Variants in PRR5L observed in about 807,000 individuals in gnomAD.
PRR5L encodes the protein proline-rich protein 5-like.
In PRR5L, 21 loss-of-function variants were observed where a neutral mutation model predicts 36.4. The ratio of observed to expected loss-of-function variants is 0.58; its 90% CI spans 0.41 to 0.83. The LOEUF is 0.83. Ranked by LOEUF, PRR5L falls within the 40% of genes least tolerant of loss-of-function variation. The pLI is 0.00. For missense variants in PRR5L, 381 were observed against 473.3 expected, an observed-to-expected ratio of 0.80 and a Z score of 1.81; for synonymous variants, 188 against 197.0, an observed-to-expected ratio of 0.95 and a Z score of 0.38.
intron 1 of PRR5L, chr11:36,362,152 G>A (rs1330206032): frequency 6.6e-6 from 1 of 151,154 alleles, no homozygotes; most frequent in Admixed American, 6.6e-5. Flanking sequence ...CACCGGCTCC[G>A]TCCTGAAAAC....
Position 36,427,202 on chromosome 11 carries a change from C to T in PRR5L, c.295-4651C>T, listed in dbSNP as rs182006945. 1.9e-3 allele frequency among the ~76,000 whole-genome samples: 294 copies of T among 152,254 alleles called. 2 individuals carry two copies. Among genetic ancestry groups the T allele is most frequent in the Admixed American group, 3.1e-3 (48 of 15,284 alleles). On this transcript the variant is annotated intron_variant, in intron 4 of 8. Coordinates refer to ENST00000530639, the MANE Select transcript of PRR5L (RefSeq NM_001160167.2). ...TTCTATGTCTTAGGAAAATTAGATACGTCAGCTGTTTTTCTTTTTCACTTC... is the reference window on the plus strand; with the variant it reads ...TTCTATGTCTTAGGAAAATTAGATATGTCAGCTGTTTTTCTTTTTCACTTC...
At chr11:36,388,469 C>G (rs543467371) in intron 1 of PRR5L, among the ~76,000 whole-genome samples, 2 of 152,160 alleles carry the variant, frequency 1.3e-5, no homozygotes, top group East Asian at 3.9e-4. Context: ...TCAAAAAGTC[C>G]AAAAGGGCTT....
At position 36,319,669 on chromosome 11, in the gene PRR5L, G is replaced by A. The variant is rs546561680; in HGVS notation, c.-126+23231G>A. On this transcript the variant is annotated intron_variant, in intron 1 of 8. Transcript: ENST00000530639. ...ACTTTGTAGATCCCTCATCTAAGAC[G>A]ACACTAAATTTCCTTTTTTTTTTTT... Among the ~76,000 whole-genome samples the A allele has an allele frequency of 3.7e-5, 5 of 133,608 alleles. No homozygotes were observed. In the South Asian group the frequency reaches 1.0e-3, roughly 28 times the overall value. 87.7% of individuals were successfully genotyped at this position (133,608 alleles called of 152,430 possible).
chr11:36,407,309 C>A (rs1011198482), intron 3 of PRR5L, among the ~76,000 whole-genome samples: 1 of 152,114 alleles, frequency 6.6e-6, no homozygotes, highest in African/African-American at 2.4e-5. Context: ...TAATGAAACC[C>A]CAGTTTCTAC....
At chr11:36,414,542 C>T (rs1436446805) in intron 3 of PRR5L, among the ~76,000 whole-genome samples, 1 of 144,774 alleles carries the variant, frequency 6.9e-6, no homozygotes, top group Non-Finnish European at 1.5e-5. Flanking sequence ...GTCCTTCGCC[C>T]ACTTTTTGAT....
intron 1 of PRR5L, among the ~76,000 whole-genome samples, chr11:36,334,221 C>CGGGGAAATTTCATGACTGT (rs1856747517): frequency 6.6e-6 from 1 of 152,092 alleles, no homozygotes; most frequent in South Asian, 2.1e-4. Flanking sequence ...TCTTGGGTCC[C>CGGGGAAATTTCATGACTGT]GGGGAAATTT....
chr11:36,303,777 T>A (rs1347602754), intron 1 of PRR5L, among the ~76,000 whole-genome samples: 1 of 152,156 alleles, frequency 6.6e-6, no homozygotes, highest in African/African-American at 2.4e-5. Context: ...TAAACAAATA[T>A]TGAAAAAACA....
At position 36,355,548 on chromosome 11, in the gene PRR5L, C is replaced by CTT. The variant is rs1041820581; in HGVS notation, c.-125-45431_-125-45430dup. Among the ~76,000 whole-genome samples, 49 of 127,052 alleles carry CTT rather than the reference C, an allele frequency of 3.9e-4. 1 individual carries two copies. Among genetic ancestry groups the CTT allele is most frequent in the African/African-American group, 8.9e-4 (30 of 33,536 alleles). 83.4% of individuals were successfully genotyped at this position (127,052 alleles called of 152,430 possible). ...AGAGCCCATGCTCTGCTTTGCTTTG[C>CTT]TTTTTTTTTTTTTTTTTTTGAGACA... On this transcript the variant is annotated intron_variant, in intron 1 of 8. Transcript: ENST00000530639.
At chr11:36,351,501 TTTTATATATTTA>T (rs1565408227) in intron 1 of PRR5L, among the ~76,000 whole-genome samples, 257 of 9,324 alleles carry the variant, frequency 0.028, 70 homozygotes, top group African/African-American at 0.096. Flanking sequence ...TTATATATAT[TTTTATATATTTA>T]TATATATTTA....
chr11:36,437,579 A>G (rs1369067132), intron 6 of PRR5L, 103 bp downstream of exon 6: 1 of 700,242 alleles, frequency 1.4e-6, no homozygotes, highest in Non-Finnish European at 2.5e-6. Context: ...AAACTTGGAG[A>G]TTGGGCGCTT....
At chr11:36,322,450 G>A (rs1394224191) in intron 1 of PRR5L, among the ~76,000 whole-genome samples, 1 of 152,136 alleles carries the variant, frequency 6.6e-6, no homozygotes. Flanking sequence ...GTGAACTGTT[G>A]TAGATATTGT....
At chr11:36,415,040 C>A (rs1282370003) in intron 3 of PRR5L, among the ~76,000 whole-genome samples, 1 of 146,006 alleles carries the variant, frequency 6.8e-6, no homozygotes, top group Non-Finnish European at 1.5e-5. Context: ...AGCGTTATTT[C>A]TGTGGGCTCT....
chr11:36,401,581 C>T (rs955266109), intron 2 of PRR5L, among the ~76,000 whole-genome samples: 1 of 152,038 alleles, frequency 6.6e-6, no homozygotes, highest in African/African-American at 2.4e-5. Context: ...CATGCCACCA[C>T]ACCCAGCTAA....
Position 36,462,624 on chromosome 11 carries a change from C to T in PRR5L, c.995C>T (p.Pro332Leu), listed in dbSNP as rs1296441611. 6.2e-7 allele frequency: 1 copy of T among 1,612,456 alleles called. No homozygotes were observed. Residue 332 changes from proline (P) to leucine (L), a missense_variant, in exon 9 of 9, where the codon CCC becomes CTC. Coordinates refer to ENST00000530639, the MANE Select transcript of PRR5L (RefSeq NM_001160167.2). ...CTCCTGCCACCCAGCTTCCCCCCGCCCCACCGGCAGTGCTCCAGTGAGCCC... is the reference window on the plus strand; with the variant it reads ...CTCCTGCCACCCAGCTTCCCCCCGCTCCACCGGCAGTGCTCCAGTGAGCCC... Reference protein sequence around the residue: ...CLLLPPSFPPPHRQCSSEPNI... With the variant: ...CLLLPPSFPPLHRQCSSEPNI...
chr11:36,387,842 T>C (rs1197471091), intron 1 of PRR5L, among the ~76,000 whole-genome samples: 1 of 152,240 alleles, frequency 6.6e-6, no homozygotes, highest in Admixed American at 6.5e-5. Context: ...CCTACATGTT[T>C]GGCCTTCAAA....
rs577866979 is a variant in PRR5L at position 36,373,458 on chromosome 11, C to A, written c.-125-27539C>A. On this transcript the variant is annotated intron_variant, in intron 1 of 8. Transcript: ENST00000530639. ...GACTACTTCTCCTCTTAAGAAAATT[C>A]TGGCTTGGCGTGGTGGCTGTGATCC... is the stretch of plus-strand genomic sequence containing the variant. Among the ~76,000 whole-genome samples the A allele has an allele frequency of 3.9e-5, 6 of 152,116 alleles. No homozygotes were observed. In the East Asian group the frequency reaches 9.7e-4, roughly 25 times the overall value.
intron 1 of PRR5L, chr11:36,376,405 G>C (rs1250795489): frequency 8.7e-7 from 1 of 1,149,684 alleles, no homozygotes; most frequent in Non-Finnish European, 1.1e-6. Context: ...GGAGGGAAAC[G>C]TGTCACCAGC....
intron 1 of PRR5L, among the ~76,000 whole-genome samples, chr11:36,332,390 A>G (rs1856727843): frequency 6.6e-6 from 1 of 152,158 alleles, no homozygotes; most frequent in Admixed American, 6.5e-5. Flanking sequence ...CATCTTGGGG[A>G]CAAAGAGAGC....
intron 4 of PRR5L, among the ~76,000 whole-genome samples, chr11:36,419,572 G>A (rs566684780): frequency 6.6e-6 from 1 of 152,278 alleles, no homozygotes; most frequent in Admixed American, 6.5e-5. Context: ...TTTGGGTTAT[G>A]TCTATCTTTA....
Sources: allele counts gnomAD v4.1 joint callset (sites outside exome capture counted in the v4.1 genomes callset), GRCh38; gene constraint gnomAD v4.1.1; transcripts MANE v1.5; gene names NCBI Gene and HGNC (gene_info 2026-07-23, HGNC 2026-07-21).